Variants in DTNB observed in about 807,000 individuals in gnomAD.
The protein encoded by DTNB is DTN-B.
In DTNB, 63 loss-of-function variants were observed where a neutral mutation model predicts 90.7. That is an observed-to-expected ratio of 0.69 (90% CI 0.57 to 0.86). The LOEUF is 0.86. Among genes scored for constraint, DTNB ranks in the 40% least tolerant of loss-of-function variants. The probability of loss-of-function intolerance (pLI) is 0.00; values close to 1 mark genes in which losing one functional copy is unlikely to be tolerated. For synonymous variants in DTNB, 277 were observed against 286.7 expected (o/e 0.97, Z 0.34); for missense variants, 744 against 807.1 (o/e 0.92, Z 0.95).
chr2:25,579,275 T>C (rs967263448), intron 7 of DTNB, among the ~76,000 whole-genome samples: 1 of 152,236 alleles, frequency 6.6e-6, no homozygotes, highest in African/African-American at 2.4e-5. Context: ...TGTTTTAGTC[T>C]AGAGAGATTC....
At chr2:25,456,706 G>C (rs1303749605) in intron 10 of DTNB, among the ~76,000 whole-genome samples, 1 of 152,008 alleles carries the variant, frequency 6.6e-6, no homozygotes, top group African/African-American at 2.4e-5. Flanking sequence ...CCAAGTAGCT[G>C]GGATTACAGG....
rs542941776 is a variant in DTNB, at chr2:25,640,744, T to C, written c.68-1650A>G. On this transcript the variant is annotated intron_variant, in intron 2 of 20. Transcript: ENST00000406818. ...TTTTTTGGCCAGGCGCGGTGGCTCA[T>C]GCCTGTAATCCCAGCACTTTGGGAG... Among the ~76,000 whole-genome samples the C allele has an allele frequency of 2.2e-4, 33 of 151,924 alleles. No homozygotes were observed. In the East Asian group the frequency reaches 4.1e-3, roughly 19 times the overall value.
At chr2:25,407,617 T>C (rs1007689973) in intron 16 of DTNB, among the ~76,000 whole-genome samples, 10 of 152,212 alleles carry the variant, frequency 6.6e-5, no homozygotes, top group African/African-American at 2.4e-4. Context: ...GAATATCTTT[T>C]GCAGCAACCT....
At chr2:25,540,280 C>T (rs549358322) in intron 8 of DTNB, among the ~76,000 whole-genome samples, 1 of 152,286 alleles carries the variant, frequency 6.6e-6, no homozygotes, top group East Asian at 1.9e-4. Context: ...TCCATAACTG[C>T]GTTCATTTCC....
At chr2:25,570,695 C>G (rs550898504) in intron 8 of DTNB, among the ~76,000 whole-genome samples, 4 of 152,298 alleles carry the variant, frequency 2.6e-5, no homozygotes, top group South Asian at 4.1e-4. Context: ...AACACACACT[C>G]TCCTGGCTTT....
At chr2:25,460,657 T>C (rs1574756003) in intron 10 of DTNB, among the ~76,000 whole-genome samples, 1 of 152,218 alleles carries the variant, frequency 6.6e-6, no homozygotes, top group Non-Finnish European at 1.5e-5. Context: ...ACAGATCAAG[T>C]AAGGTTAACT....
chr2:25,477,202 A>T lies in DTNB; in HGVS notation c.1079+5594T>A, dbSNP rs148182660. Among the ~76,000 whole-genome samples, 137 of 152,344 alleles carry T rather than the reference A, an allele frequency of 9.0e-4. 3 individuals are homozygous for T. In the East Asian group the frequency reaches 0.025, roughly 28 times the overall value. On this transcript the variant is annotated intron_variant, in intron 10 of 20. Transcript: ENST00000406818. The stretch of plus-strand genomic sequence containing the variant: ...AAATATATACTGCTATTGCACACTT[A>T]TGAGGCTATAGTATAGTGTAAGCAA...
intron 8 of DTNB, among the ~76,000 whole-genome samples, chr2:25,535,077 G>GC (rs2079163687): frequency 6.7e-6 from 1 of 149,792 alleles, no homozygotes; most frequent in Non-Finnish European, 1.5e-5. Flanking sequence ...AGACGGGGTG[G>GC]CCGTGCAGAG....
At chr2:25,464,087 T>G (rs2061417482) in intron 10 of DTNB, among the ~76,000 whole-genome samples, 1 of 152,160 alleles carries the variant, frequency 6.6e-6, no homozygotes, top group Admixed American at 6.5e-5. Context: ...TAAATAATTT[T>G]TAGTAGAGTT....
chr2:25,629,050 T>C (rs2148720087), intron 3 of DTNB, among the ~76,000 whole-genome samples: 1 of 152,300 alleles, frequency 6.6e-6, no homozygotes, highest in Middle Eastern at 3.4e-3. Context: ...TATAAAAACT[T>C]CTTAAGTGCA....
intron 3 of DTNB, among the ~76,000 whole-genome samples, chr2:25,629,475 A>G (rs1039450905): frequency 2.0e-5 from 3 of 152,228 alleles, no homozygotes; most frequent in Admixed American, 6.5e-5. Flanking sequence ...TTACAAGACA[A>G]AGACTGACAA....
intron 10 of DTNB, among the ~76,000 whole-genome samples, chr2:25,479,448 A>G (rs1432125564): frequency 6.6e-6 from 1 of 152,214 alleles, no homozygotes; most frequent in East Asian, 1.9e-4. Context: ...TTTGCTTTTA[A>G]ATGTACTATG....
At chr2:25,532,516 T>C (rs917243450) in intron 8 of DTNB, among the ~76,000 whole-genome samples, 2 of 152,198 alleles carry the variant, frequency 1.3e-5, no homozygotes, top group African/African-American at 4.8e-5. Context: ...TACATTCTTC[T>C]GGAAGGTAGA....
At chr2:25,436,709 T>A (rs867725643) in intron 12 of DTNB, among the ~76,000 whole-genome samples, 1 of 152,174 alleles carries the variant, frequency 6.6e-6, no homozygotes, top group Non-Finnish European at 1.5e-5. Flanking sequence ...GTAAATTTTC[T>A]ATATTGTAGT....
intron 16 of DTNB, among the ~76,000 whole-genome samples, chr2:25,410,128 G>A (rs2046228839): frequency 6.6e-6 from 1 of 152,170 alleles, no homozygotes; most frequent in East Asian, 1.9e-4. Context: ...GGGGGAGGCA[G>A]TGTGTCCTAG....
chr2:25,605,636 C>T (rs946807792), intron 5 of DTNB, among the ~76,000 whole-genome samples: 1 of 152,146 alleles, frequency 6.6e-6, no homozygotes, highest in Non-Finnish European at 1.5e-5. Flanking sequence ...ATTCCAGAGT[C>T]ATCTAGAATA....
At chr2:25,486,561 A>C (rs2066202189) in intron 9 of DTNB, among the ~76,000 whole-genome samples, 1 of 149,564 alleles carries the variant, frequency 6.7e-6, no homozygotes, top group Non-Finnish European at 1.5e-5. Context: ...TGAGCCTAGG[A>C]GGTTAAGGCT....
chr2:25,568,406 G>C (rs7594739), intron 8 of DTNB, among the ~76,000 whole-genome samples: 2,371 of 151,998 alleles, frequency 0.016, 60 homozygotes, highest in African/African-American at 0.054. Flanking sequence ...GGTTTAAAGT[G>C]AATCAGAAAA....
At chr2:25,502,784 G>T (rs2071079306) in intron 9 of DTNB, among the ~76,000 whole-genome samples, 1 of 151,304 alleles carries the variant, frequency 6.6e-6, no homozygotes, top group Non-Finnish European at 1.5e-5. Flanking sequence ...TACTCGGGAG[G>T]CTGAGGCAGG....
Sources: allele counts gnomAD v4.1 joint callset (sites outside exome capture counted in the v4.1 genomes callset), GRCh38; gene constraint gnomAD v4.1.1; transcripts MANE v1.5; gene names NCBI Gene and HGNC (gene_info 2026-07-23, HGNC 2026-07-21).